XPA: variants seen among roughly 807,000 people sequenced by gnomAD.
XPA encodes the protein XPA, DNA damage recognition and repair factor.
XPA carries 27 observed loss-of-function variants against 35.7 expected under a neutral mutation model. The observed-to-expected ratio is 0.76, with a 90% confidence interval of 0.56 to 1.04. XPA has a LOEUF of 1.04. XPA is among the 50% of genes least tolerant of loss of function. The pLI is 0.00. For synonymous variants in XPA, 133 were observed against 118.4 expected, an observed-to-expected ratio of 1.12 and a Z score of -0.80; for missense variants, 354 against 342.7, an observed-to-expected ratio of 1.03 and a Z score of -0.26.
the XPA span, among the ~76,000 whole-genome samples, chr9:97,656,827 CCTACCTAGCCAGCATA>C: frequency 6.6e-6 from 1 of 152,194 alleles, no homozygotes; most frequent in East Asian, 1.9e-4. Context: ...AAACCACTCT[CCTACCTAGCCAGCATA>C]CAACCTTTTA....
At chr9:97,671,292 A>T, downstream of XPA, 1 of 888,120 alleles carries the variant, frequency 1.1e-6, no homozygotes, top group Non-Finnish European at 1.7e-6. Flanking sequence ...TTCTTGTAGT[A>T]TCCTTTCACT....
At position 97,684,106 on chromosome 9, in the gene XPA, A is replaced by C. The variant is rs117223205; in HGVS notation, c.673+817T>G. On this transcript the variant is annotated intron_variant, in intron 5 of 5. Transcript: ENST00000375128. ...CACAAAGTGACCTCTGTGCTCCTGC[A>C]GCACCGCACGTTCATCACTATCATG... is the stretch of plus-strand genomic sequence containing the variant. 9.3e-4 allele frequency among the ~76,000 whole-genome samples: 142 copies of C among 152,338 alleles called. No individual in the cohort carries two copies. In the East Asian group the frequency reaches 0.02, roughly 22 times the overall value.
downstream of XPA, chr9:97,671,166 C>T: frequency 5.0e-6 from 8 of 1,613,212 alleles, no homozygotes; most frequent in East Asian, 2.2e-5. Context: ...ATATCTTGGC[C>T]GTGTTCCAGC....
chr9:97,654,756 T>C, the XPA span: 1 of 842,318 alleles, frequency 1.2e-6, no homozygotes, highest in South Asian at 1.6e-5. Flanking sequence ...AGATTGATTG[T>C]GTGAAAAGAT....
the XPA span, among the ~76,000 whole-genome samples, chr9:97,657,064 T>A: frequency 6.6e-6 from 1 of 152,106 alleles, no homozygotes; most frequent in Non-Finnish European, 1.5e-5. Context: ...CACCTCCGGG[T>A]TCACGCCATT....
the XPA span, chr9:97,658,752 T>G: frequency 1.9e-6 from 3 of 1,556,994 alleles, no homozygotes; most frequent in South Asian, 1.1e-5. Flanking sequence ...CAGTAAGTAA[T>G]GAAACTAATC....
chr9:97,674,145 C>G (rs1389344167), downstream of XPA, among the ~76,000 whole-genome samples: 1 of 151,890 alleles, frequency 6.6e-6, no homozygotes, highest in East Asian at 1.9e-4. Context: ...TCCCCGCCCC[C>G]ATAATGCTCT....
intron 3 of XPA, among the ~76,000 whole-genome samples, chr9:97,689,085 A>C (rs570357250): frequency 1.3e-5 from 2 of 152,316 alleles, no homozygotes; most frequent in African/African-American, 2.4e-5. Flanking sequence ...TATTCTCTCT[A>C]TGAGGGTAGC....
chr9:97,654,511 G>GA, the XPA span, among the ~76,000 whole-genome samples: 1 of 151,822 alleles, frequency 6.6e-6, no homozygotes, highest in African/African-American at 2.4e-5. Flanking sequence ...GATGCCATTG[G>GA]AAAAATGGTG....
At chr9:97,661,103 T>A in the XPA span, 1 of 1,606,276 alleles carries the variant, frequency 6.2e-7, no homozygotes, top group Non-Finnish European at 8.5e-7. Flanking sequence ...AGTGGAACTA[T>A]GTATAGGCCA....
At chr9:97,686,404 AG>A (rs1373710873) in intron 4 of XPA, among the ~76,000 whole-genome samples, 1 of 152,228 alleles carries the variant, frequency 6.6e-6, no homozygotes, top group African/African-American at 2.4e-5. Flanking sequence ...CTGAGATTAT[AG>A]AGCTATATGG....
the XPA span, chr9:97,658,854 T>G: frequency 1.6e-5 from 13 of 798,036 alleles, no homozygotes; most frequent in South Asian, 2.0e-4. Flanking sequence ...GGGGTTTATA[T>G]TTCCTGTATT....
the XPA span, among the ~76,000 whole-genome samples, chr9:97,657,885 GCTCT>G: frequency 2.5e-4 from 29 of 114,014 alleles, no homozygotes; most frequent in African/African-American, 6.6e-4. Context: ...GCCCCGGTAA[GCTCT>G]CTCTCTCTCT....
At chr9:97,668,777 TCC>T in the XPA span, 1 of 1,520,596 alleles carries the variant, frequency 6.6e-7, no homozygotes, top group Non-Finnish European at 8.9e-7. Context: ...GTAAAATGCT[TCC>T]CCTGGAGGAG....
At chr9:97,656,921 C>T in the XPA span, among the ~76,000 whole-genome samples, 1 of 152,100 alleles carries the variant, frequency 6.6e-6, no homozygotes, top group South Asian at 2.1e-4. Flanking sequence ...TTTTGCCAGC[C>T]GTCCCAACAC....
the XPA span, among the ~76,000 whole-genome samples, chr9:97,669,261 T>G: frequency 3.9e-5 from 6 of 152,206 alleles, no homozygotes; most frequent in Admixed American, 2.0e-4. Flanking sequence ...TATTCCTCAT[T>G]GCTGATCATT....
chr9:97,670,160 AGGCC>A, downstream of XPA: 7 of 243,324 alleles, frequency 2.9e-5, no homozygotes, highest in South Asian at 5.7e-5. Flanking sequence ...TGACCTCAGG[AGGCC>A]TCCGCCTCCC....
intron 5 of XPA, among the ~76,000 whole-genome samples, chr9:97,677,304 C>T (rs1828396582): frequency 6.6e-6 from 1 of 152,108 alleles, no homozygotes; most frequent in Non-Finnish European, 1.5e-5. Context: ...ACTCTTCAGC[C>T]AGTATGTCAG....
chr9:97,675,339 A>G lies in XPA; in HGVS notation c.*100T>C, dbSNP rs1208740897. The G allele has an allele frequency of 3.2e-6, 4 of 1,255,292 alleles. No homozygotes were observed. Among genetic ancestry groups the G allele is most frequent in the Admixed American group, 2.5e-5 (1 of 39,704 alleles). 77.8% of individuals were successfully genotyped at this position (1,255,292 alleles called of 1,614,324 possible). On this transcript the variant is annotated 3_prime_UTR_variant, in exon 6 of 6. Coordinates refer to ENST00000375128, the MANE Select transcript of XPA (RefSeq NM_000380.4). The stretch of plus-strand genomic sequence containing the variant: ...ACTTATACAAGGGTTTCATTCATCT[A>G]TGAAGATGTTGCTTTTTTTTTTGAA...
Sources: gnomAD v4.1 joint callset for allele counts (sites outside exome capture counted in the v4.1 genomes callset) on GRCh38, gnomAD v4.1.1 for gene constraint, MANE v1.5 for transcripts, NCBI Gene and HGNC (gene_info 2026-07-23, HGNC 2026-07-21) for gene names.